ZNF140: variants seen among roughly 807,000 people sequenced by gnomAD.
The protein encoded by ZNF140 is zinc finger protein 140.
In ZNF140, 13 loss-of-function variants were observed where a neutral mutation model predicts 12.9. That is an observed-to-expected ratio of 1.01 (90% CI 0.66 to 1.60). The LOEUF (loss-of-function observed/expected upper bound fraction) is 1.60. Among genes scored for constraint, ZNF140 ranks in the 40% most tolerant of loss-of-function variants. The pLI, the probability that ZNF140 is intolerant of heterozygous loss-of-function variation, is 0.00. For missense variants in ZNF140, 531 were observed against 548.8 expected (o/e 0.97, Z 0.32); for synonymous variants, 214 against 186.7 (o/e 1.15, Z -1.19).
At chr12:133,099,368 G>C (rs1183332077) in intron 4 of ZNF140, among the ~76,000 whole-genome samples, 2 of 151,960 alleles carry the variant, frequency 1.3e-5, no homozygotes, top group Non-Finnish European at 2.9e-5. Context: ...GTAGAGACGG[G>C]GTTTCACCGT....
At chr12:133,083,428 ATGAC>A (rs1450720952) in intron 3 of ZNF140, 34 bp from the exon 4 acceptor site, 29 of 1,596,044 alleles carry the variant, frequency 1.8e-5, no homozygotes, top group Non-Finnish European at 2.4e-5. Flanking sequence ...TTAGGATTCA[ATGAC>A]TGATCTTGAA....
intron 4 of ZNF140, among the ~76,000 whole-genome samples, chr12:133,104,926 G>A (rs905067895): frequency 6.6e-6 from 1 of 152,062 alleles, no homozygotes; most frequent in African/African-American, 2.4e-5. Flanking sequence ...CAATAGTCAG[G>A]TTTTTAATCC....
rs971779660 is a variant in ZNF140 at position 133,090,116 on chromosome 12, C to T, written c.232+6555C>T. Among the ~76,000 whole-genome samples, 70 of 151,264 alleles carry T rather than the reference C, an allele frequency of 4.6e-4. No homozygotes were observed. The East Asian group carries it at 4.9e-3, about 11-fold the overall frequency. On this transcript the variant is annotated intron_variant, in intron 4 of 4. Transcript: ENST00000355557. The stretch of plus-strand genomic sequence containing the variant: ...CACGCACTTCAGCCTCCCAAAGTGC[C>T]GGGATTATAGATGTGAGCCACCACA...
chr12:133,103,812 T>C (rs1955456262), intron 4 of ZNF140, among the ~76,000 whole-genome samples: 1 of 152,226 alleles, frequency 6.6e-6, no homozygotes, highest in Admixed American at 6.5e-5. Flanking sequence ...CTGAAAAGAA[T>C]TACTCAGTTC....
chr12:133,097,370 G>A (rs868335318), intron 4 of ZNF140, among the ~76,000 whole-genome samples: 1 of 152,140 alleles, frequency 6.6e-6, no homozygotes, highest in Admixed American at 6.6e-5. Context: ...TTGGCTGGGT[G>A]TGGTGGCTCA....
At chr12:133,100,905 C>A in intron 4 of ZNF140, 1 of 427,422 alleles carries the variant, frequency 2.3e-6, no homozygotes, top group South Asian at 1.7e-5. Context: ...TGCGAGACGT[C>A]ACACTACTCA....
intron 4 of ZNF140, among the ~76,000 whole-genome samples, chr12:133,095,866 A>G (rs1177982044): frequency 1.3e-5 from 2 of 152,040 alleles, no homozygotes; most frequent in Non-Finnish European, 2.9e-5. Flanking sequence ...CATTACTGCA[A>G]ACATATCTCG....
In ZNF140 at chr12:133,083,255, A is replaced by T. The variant is rs375810657; in HGVS notation, c.136+26A>T. 1.9e-5 allele frequency: 31 copies of T among 1,599,286 alleles called. No individual in the cohort carries two copies. The African/African-American group carries it at 2.8e-4, about 15-fold the overall frequency. On this transcript the variant is annotated intron_variant, in intron 3 of 4. Transcript: ENST00000355557. ...GTAAGTATTCTTCTTCATCTCCCTC[A>T]AGGCAAAATTTGACCGTTAGGGTGG...
In ZNF140 at chr12:133,106,319, C is replaced by T. The variant is rs1482624430; in HGVS notation, c.1042C>T (p.Gln348Ter). Residue 348 changes from glutamine (Q) to a stop codon, truncating the protein, a stop_gained, in exon 5 of 5, where the codon CAG (glutamine) becomes TAG (stop). Coordinates refer to ENST00000355557, the MANE Select transcript of ZNF140 (RefSeq NM_003440.4). LOFTEE classifies it low-confidence loss of function (END_TRUNC). Reference protein sequence around the residue: ...FRCHSFLIKHQRIHAGEKLYE... With the variant: ...FRCHSFLIKH ...TTGTCACTCATTCCTTATTAAACAT[C>T]AGAGAATTCATGCTGGAGAAAAGCT... is the stretch of plus-strand genomic sequence containing the variant. 1 of 1,614,158 alleles carries T rather than the reference C, an allele frequency of 6.2e-7. No individual in the cohort carries two copies. The highest frequency in any genetic ancestry group is 8.5e-7 in the Non-Finnish European group (1 of 1,180,016).
rs1451773153 is a variant in ZNF140, at chr12:133,105,661, G to A, written c.384G>A (p.Glu128=). 9.3e-6 allele frequency: 15 copies of A among 1,614,176 alleles called. No individual in the cohort carries two copies. The East Asian group carries it at 2.9e-4, about 31-fold the overall frequency. The change falls in exon 5 of 5, where the codon GAG becomes GAA. Residue 128 remains glutamate, a synonymous_variant. Coordinates refer to ENST00000355557, the MANE Select transcript of ZNF140 (RefSeq NM_003440.4). ...KGGWKCKDHT[E]MLQENQGCIR... is the part of the protein sequence containing the mutation. ...GCTGGAAATGCAAGGATCATACTGA[G>A]ATGCTGCAAGAAAATCAGGGATGTA...
chr12:133,101,573 T>C (rs56118342), intron 4 of ZNF140, among the ~76,000 whole-genome samples: 44,332 of 151,950 alleles, frequency 0.29, 6,725 homozygotes, highest in African/African-American at 0.35. Flanking sequence ...GCCTCCCGAG[T>C]AGCTGGGACT....
At chr12:133,097,328 G>A (rs1330126568) in intron 4 of ZNF140, among the ~76,000 whole-genome samples, 15 of 152,104 alleles carry the variant, frequency 9.9e-5, no homozygotes, top group African/African-American at 3.6e-4. Flanking sequence ...TATTTAGACT[G>A]TTGACCTTCA....
chr12:133,096,258 G>C (rs1374417056), intron 4 of ZNF140, among the ~76,000 whole-genome samples: 2 of 152,030 alleles, frequency 1.3e-5, no homozygotes, highest in Non-Finnish European at 2.9e-5. Context: ...TTGTTAACAA[G>C]GCACGTCCTG....
chr12:133,096,973 T>C (rs977277526), intron 4 of ZNF140, among the ~76,000 whole-genome samples: 1 of 152,250 alleles, frequency 6.6e-6, no homozygotes, highest in African/African-American at 2.4e-5. Context: ...AGTGTAATAG[T>C]GCATTCATCT....
chr12:133,102,760 A>AAAG (rs1319194651), intron 4 of ZNF140, among the ~76,000 whole-genome samples: 13,200 of 151,242 alleles, frequency 0.087, 801 homozygotes, highest in Non-Finnish European at 0.14. Context: ...TAAAAAAAAA[A>AAAG]AAAAGAAAAA....
Position 133,106,353 on chromosome 12 carries a change from G to C in ZNF140, c.1076G>C (p.Cys359Ser). The change falls in exon 5 of 5, where the codon TGT (cysteine) becomes TCT (serine). Residue 359 changes from cysteine to serine, a missense_variant. Transcript: ENST00000355557. ...CATGCTGGAGAAAAGCTCTATGAATGTGATGAATGTGGTAAAGTTTTCACT... is the reference window on the plus strand; with the variant it reads ...CATGCTGGAGAAAAGCTCTATGAATCTGATGAATGTGGTAAAGTTTTCACT... ...RIHAGEKLYE[C>S]DECGKVFTWH... 6.2e-7 allele frequency: 1 copy of C among 1,614,128 alleles called. No individual in the cohort carries two copies. Among genetic ancestry groups the C allele is most frequent in the Middle Eastern group, 1.6e-4 (1 of 6,062 alleles).
intron 4 of ZNF140, among the ~76,000 whole-genome samples, chr12:133,095,682 T>A (rs1280250437): frequency 9.9e-5 from 15 of 151,810 alleles, no homozygotes; most frequent in South Asian, 6.2e-4. Context: ...CAAAAAGGAA[T>A]GTAGTAGGAG....
intron 4 of ZNF140, chr12:133,101,049 TA>T: frequency 2.3e-6 from 1 of 434,852 alleles, no homozygotes; most frequent in Non-Finnish European, 4.5e-6. Flanking sequence ...CTTGTTCCTT[TA>T]TAGGTAAGGT....
At chr12:133,097,329 T>C (rs1955164500) in intron 4 of ZNF140, among the ~76,000 whole-genome samples, 1 of 152,174 alleles carries the variant, frequency 6.6e-6, no homozygotes. Flanking sequence ...ATTTAGACTG[T>C]TGACCTTCAT....
Sources: gnomAD v4.1 joint callset for allele counts (sites outside exome capture counted in the v4.1 genomes callset) on GRCh38, gnomAD v4.1.1 for gene constraint, MANE v1.5 for transcripts, NCBI Gene and HGNC (gene_info 2026-07-23, HGNC 2026-07-21) for gene names.